Variants in NEGR1 observed in about 807,000 individuals in gnomAD.
NEGR1 encodes the protein neuronal growth regulator 1.
Under a neutral mutation model 40.9 loss-of-function variants are expected in NEGR1, and 10 were observed. That is an observed-to-expected ratio of 0.24 (90% CI 0.15 to 0.42). The LOEUF (loss-of-function observed/expected upper bound fraction) is 0.42, where lower values mean the gene tolerates loss of function less well. NEGR1 is among the 10% of genes least tolerant of loss of function. The pLI is 1.00. For missense variants in NEGR1, 352 were observed against 438.9 expected (o/e 0.80, Z 1.77); for synonymous variants, 185 against 166.8 (o/e 1.11, Z -0.84).
chr1:71,540,543 G>C (rs1647656756), intron 6 of NEGR1, among the ~76,000 whole-genome samples: 1 of 151,714 alleles, frequency 6.6e-6, no homozygotes, highest in South Asian at 2.1e-4. Flanking sequence ...TTTGGCTGGA[G>C]TATTGACAGA....
At chr1:71,885,997 A>G (rs1036114550) in intron 2 of NEGR1, among the ~76,000 whole-genome samples, 33 of 152,196 alleles carry the variant, frequency 2.2e-4, no homozygotes, top group African/African-American at 7.2e-4. Flanking sequence ...AGGTAATTAA[A>G]TCTTGCAATG....
rs536014518 is a variant in NEGR1, at chr1:71,853,603, T to C, written c.410-77306A>G. On this transcript the variant is annotated intron_variant, in intron 2 of 6. Coordinates refer to ENST00000357731, the MANE Select transcript of NEGR1 (RefSeq NM_173808.3). ...TAAAAAAAAGGCAGAAATTAGATAC[T>C]CTCACTAGAGAAAATTGAGGCTGAC... Among the ~76,000 whole-genome samples, 2 of 152,158 alleles carry C rather than the reference T, an allele frequency of 1.3e-5. 1 individual carries two copies. Among genetic ancestry groups the C allele is most frequent in the South Asian group, 4.1e-4 (2 of 4,822 alleles).
intron 3 of NEGR1, among the ~76,000 whole-genome samples, chr1:71,727,299 C>T (rs1317920335): frequency 1.3e-5 from 2 of 151,692 alleles, no homozygotes; most frequent in Non-Finnish European, 2.9e-5. Flanking sequence ...TTTTAATATA[C>T]CATATAAAAA....
At position 72,032,720 on chromosome 1, in the gene NEGR1, T is replaced by C. The variant is rs75039164; in HGVS notation, c.177-97409A>G. On this transcript the variant is annotated intron_variant, in intron 1 of 6. Coordinates refer to ENST00000357731, the MANE Select transcript of NEGR1 (RefSeq NM_173808.3). The stretch of plus-strand genomic sequence containing the variant: ...AATCATCTTGCTTCTCTAACATACA[T>C]CTTCATCAAATACATTTTAGCATAT... 4.5e-3 allele frequency among the ~76,000 whole-genome samples: 686 copies of C among 152,308 alleles called. 4 individuals are homozygous for C. Among genetic ancestry groups the C allele is most frequent in the African/African-American group, 0.016 (654 of 41,576 alleles).
At chr1:72,111,016 G>A (rs1223376631) in intron 1 of NEGR1, among the ~76,000 whole-genome samples, 1 of 150,904 alleles carries the variant, frequency 6.6e-6, no homozygotes, top group African/African-American at 2.4e-5. Context: ...CTTTAGTTTT[G>A]TCTTATGGAG....
At chr1:71,775,645 C>T (rs897535730) in intron 3 of NEGR1, among the ~76,000 whole-genome samples, 1 of 151,760 alleles carries the variant, frequency 6.6e-6, no homozygotes, top group Non-Finnish European at 1.5e-5. Flanking sequence ...TGCGCCCAGC[C>T]CATTTAACTT....
intron 1 of NEGR1, among the ~76,000 whole-genome samples, chr1:72,193,224 T>A (rs1652881453): frequency 6.6e-6 from 1 of 151,798 alleles, no homozygotes; most frequent in African/African-American, 2.4e-5. Flanking sequence ...CACTGATGCT[T>A]TATAATTGAA....
chr1:72,158,020 C>T (rs1050683982), intron 1 of NEGR1, among the ~76,000 whole-genome samples: 3 of 152,082 alleles, frequency 2.0e-5, no homozygotes, highest in African/African-American at 4.8e-5. Context: ...GAAGATAGAG[C>T]CAGGGACTCC....
chr1:71,551,748 T>C (rs1648081538), intron 6 of NEGR1, among the ~76,000 whole-genome samples: 1 of 151,516 alleles, frequency 6.6e-6, no homozygotes, highest in Admixed American at 6.6e-5. Context: ...TGTGATTTTA[T>C]ACCTGATATA....
intron 1 of NEGR1, among the ~76,000 whole-genome samples, chr1:72,021,067 C>G (rs1646751922): frequency 6.6e-6 from 1 of 152,086 alleles, no homozygotes; most frequent in African/African-American, 2.4e-5. Context: ...AAAGTCCTGA[C>G]AAATTTCATA....
chr1:72,207,307 C>A (rs1653444311), intron 1 of NEGR1, among the ~76,000 whole-genome samples: 1 of 151,628 alleles, frequency 6.6e-6, no homozygotes, highest in Non-Finnish European at 1.5e-5. Flanking sequence ...AAGAATTTAA[C>A]ACCAGATAAA....
chr1:72,257,356 A>C (rs1281794505), intron 1 of NEGR1, among the ~76,000 whole-genome samples: 1 of 151,066 alleles, frequency 6.6e-6, no homozygotes, highest in African/African-American at 2.4e-5. Context: ...AATAGCACAT[A>C]ACATTTCTTA....
chr1:71,977,554 G>A (rs925721517), intron 1 of NEGR1, among the ~76,000 whole-genome samples: 5 of 151,818 alleles, frequency 3.3e-5, no homozygotes, highest in East Asian at 1.9e-4. Flanking sequence ...CGTAAAAACC[G>A]AATCTAAAAG....
chr1:72,271,417 A>C (rs1293037348), intron 1 of NEGR1, among the ~76,000 whole-genome samples: 1 of 151,788 alleles, frequency 6.6e-6, no homozygotes, highest in African/African-American at 2.4e-5. Context: ...GGTTATTTTC[A>C]TTATACATCA....
intron 6 of NEGR1, among the ~76,000 whole-genome samples, chr1:71,512,949 T>C (rs1228401006): frequency 1.3e-5 from 2 of 152,294 alleles, no homozygotes; most frequent in East Asian, 1.9e-4. Context: ...GAAAGTAATA[T>C]ATTTACATTA....
At chr1:72,178,951 A>T (rs1010440070) in intron 1 of NEGR1, among the ~76,000 whole-genome samples, 2 of 151,460 alleles carry the variant, frequency 1.3e-5, no homozygotes, top group Non-Finnish European at 3.0e-5. Flanking sequence ...GATATTAGAC[A>T]TTTGTCAGAT....
intron 4 of NEGR1, 97 bp downstream of exon 4, chr1:71,697,911 A>C: frequency 8.4e-7 from 1 of 1,196,808 alleles, no homozygotes; most frequent in Non-Finnish European, 1.2e-6. Flanking sequence ...ACCAATAGAC[A>C]ACCTCTTAAA....
At chr1:71,986,637 T>C (rs1646397041) in intron 1 of NEGR1, among the ~76,000 whole-genome samples, 1 of 152,206 alleles carries the variant, frequency 6.6e-6, no homozygotes. Flanking sequence ...CAAAGTAGTG[T>C]AGAAATCAGG....
intron 3 of NEGR1, among the ~76,000 whole-genome samples, chr1:71,751,633 A>C (rs1215293219): frequency 6.6e-6 from 1 of 152,096 alleles, no homozygotes; most frequent in Non-Finnish European, 1.5e-5. Context: ...GGAGCTATTC[A>C]GCCCAGAGCT....
Sources: gnomAD v4.1 joint callset for allele counts (sites outside exome capture counted in the v4.1 genomes callset) on GRCh38, gnomAD v4.1.1 for gene constraint, MANE v1.5 for transcripts, NCBI Gene and HGNC (gene_info 2026-07-23, HGNC 2026-07-21) for gene names.